Variants in LRMDA observed in about 807,000 individuals in gnomAD.
LRMDA encodes leucine-rich melanocyte differentiation-associated protein.
LRMDA carries 18 observed loss-of-function variants against 29.8 expected under a neutral mutation model. That is an observed-to-expected ratio of 0.60 (90% confidence interval 0.42 to 0.90). LRMDA has a LOEUF of 0.90. LRMDA is among the 40% of genes least tolerant of loss of function. LRMDA has a pLI of 0.00. For synonymous variants in LRMDA, 125 were observed against 109.4 expected (o/e 1.14, Z -0.89); for missense variants, 273 against 273.9 (o/e 1.00, Z 0.02).
At chr10:76,159,992 ACAC>A (rs1169495703) in intron 5 of LRMDA, among the ~76,000 whole-genome samples, 1 of 152,068 alleles carries the variant, frequency 6.6e-6, no homozygotes, top group Non-Finnish European at 1.5e-5. Context: ...GGAATGTACA[ACAC>A]CAAGCGAACT....
intron 5 of LRMDA, among the ~76,000 whole-genome samples, chr10:76,321,024 TC>T (rs1212412278): frequency 2.4e-4 from 36 of 152,282 alleles, no homozygotes; most frequent in Admixed American, 2.1e-3. Flanking sequence ...CAGGTTTTTT[TC>T]TCTTAAATAC....
intron 5 of LRMDA, among the ~76,000 whole-genome samples, chr10:76,290,181 A>G (rs1206315115): frequency 1.3e-5 from 2 of 152,224 alleles, no homozygotes; most frequent in Non-Finnish European, 2.9e-5. Flanking sequence ...CTTTATTGTT[A>G]CAATCTCTTT....
At chr10:75,507,554 A>G (rs1564788274) in intron 2 of LRMDA, among the ~76,000 whole-genome samples, 1 of 152,160 alleles carries the variant, frequency 6.6e-6, no homozygotes. Flanking sequence ...TTGGGTAAAT[A>G]AGCAATGGAG....
chr10:75,477,735 A>G (rs1477953314), intron 2 of LRMDA, among the ~76,000 whole-genome samples: 2 of 152,116 alleles, frequency 1.3e-5, no homozygotes. Context: ...TGTTCCCACC[A>G]CAAGCAGTCC....
chr10:76,304,643 G>A lies in LRMDA; in HGVS notation c.517-19758G>A, dbSNP rs116973571. ...TGTTATCCTCCACCCTTGGAGGCCA[G>A]GGAATGCTATTTGTTCAATATTTTA... On this transcript the variant is annotated intron_variant, in intron 5 of 6. Coordinates refer to ENST00000611255, the MANE Select transcript of LRMDA (RefSeq NM_001305581.2). Among the ~76,000 whole-genome samples the A allele has an allele frequency of 1.1e-4, 17 of 152,274 alleles. No homozygotes were observed. In the East Asian group the frequency reaches 1.4e-3, roughly 12 times the overall value.
intron 6 of LRMDA, among the ~76,000 whole-genome samples, chr10:76,328,799 G>A (rs1361053054): frequency 6.6e-6 from 1 of 152,166 alleles, no homozygotes; most frequent in African/African-American, 2.4e-5. Context: ...AATCAGGAGT[G>A]GAGAAAATTT....
At chr10:76,052,571 A>G (rs1848547898) in intron 4 of LRMDA, among the ~76,000 whole-genome samples, 1 of 152,066 alleles carries the variant, frequency 6.6e-6, no homozygotes, top group Non-Finnish European at 1.5e-5. Context: ...GAAAGAAAGA[A>G]AAAAAAGGTA....
At chr10:76,275,856 A>T (rs1840124766) in intron 5 of LRMDA, among the ~76,000 whole-genome samples, 1 of 152,026 alleles carries the variant, frequency 6.6e-6, no homozygotes, top group South Asian at 2.1e-4. Context: ...TATATGTTAG[A>T]TCTTTTCATA....
intron 6 of LRMDA, among the ~76,000 whole-genome samples, chr10:76,525,117 A>G (rs1308848668): frequency 6.6e-6 from 1 of 152,190 alleles, no homozygotes; most frequent in Non-Finnish European, 1.5e-5. Context: ...AGAAAAAGGG[A>G]CAGGGGTTGT....
At chr10:76,429,522 C>T (rs1037188627) in intron 6 of LRMDA, among the ~76,000 whole-genome samples, 1 of 151,916 alleles carries the variant, frequency 6.6e-6, no homozygotes, top group African/African-American at 2.4e-5. Context: ...CAGGGAGGCG[C>T]GTACAAGCGA....
chr10:76,137,100 C>T lies in LRMDA; in HGVS notation c.516+78317C>T, dbSNP rs1381787556. 2.6e-5 allele frequency among the ~76,000 whole-genome samples: 4 copies of T among 152,294 alleles called. No homozygotes were observed. In the South Asian group the frequency reaches 6.2e-4, roughly 24 times the overall value. ...TCCTTTTAGAAGGGCCACGCTCCAC[C>T]GCTCTGCTGTGTTGATACTACCGAC... On this transcript the variant is annotated intron_variant, in intron 5 of 6. Transcript: ENST00000611255.
At chr10:75,937,282 A>T (rs1846312258) in intron 2 of LRMDA, among the ~76,000 whole-genome samples, 1 of 152,208 alleles carries the variant, frequency 6.6e-6, no homozygotes, top group Non-Finnish European at 1.5e-5. Context: ...TAAATGAAAA[A>T]TGATTTTATT....
chr10:75,802,332 C>CGT (rs1491434324), intron 2 of LRMDA, among the ~76,000 whole-genome samples: 15 of 114,502 alleles, frequency 1.3e-4, no homozygotes, highest in South Asian at 3.0e-4. Flanking sequence ...CACACACACA[C>CGT]GCGCACACAC....
At chr10:75,849,334 G>A (rs2132309078) in intron 2 of LRMDA, among the ~76,000 whole-genome samples, 1 of 152,022 alleles carries the variant, frequency 6.6e-6, no homozygotes, top group African/African-American at 2.4e-5. Flanking sequence ...AAAGCCCTAA[G>A]TAGTTCTATG....
intron 5 of LRMDA, among the ~76,000 whole-genome samples, chr10:76,069,447 C>T (rs140959609): frequency 1.4e-4 from 21 of 152,322 alleles, no homozygotes; most frequent in South Asian, 4.1e-4. Context: ...ATAGCAATTA[C>T]GTGCAGCCTT....
intron 2 of LRMDA, among the ~76,000 whole-genome samples, chr10:75,783,401 A>G (rs1251123271): frequency 6.6e-6 from 1 of 152,070 alleles, no homozygotes. Flanking sequence ...ACAAGCTCCA[A>G]AAGGAATCTA....
intron 5 of LRMDA, among the ~76,000 whole-genome samples, chr10:76,159,424 A>G (rs577775122): frequency 4.2e-4 from 64 of 152,324 alleles, no homozygotes; most frequent in African/African-American, 1.5e-3. Flanking sequence ...ACTCTCATTC[A>G]TCTCTGGAGG....
chr10:76,306,503 G>A (rs1026952083), intron 5 of LRMDA, among the ~76,000 whole-genome samples: 9 of 152,160 alleles, frequency 5.9e-5, no homozygotes, highest in African/African-American at 9.7e-5. Context: ...CACATGACAC[G>A]GGGCATGGAT....
At chr10:75,811,554 G>A (rs1201678338) in intron 2 of LRMDA, among the ~76,000 whole-genome samples, 1 of 152,164 alleles carries the variant, frequency 6.6e-6, no homozygotes, top group Non-Finnish European at 1.5e-5. Context: ...TTAGGACTGA[G>A]GGCACTGAGA....
Sources: gnomAD v4.1 joint callset for allele counts (sites outside exome capture counted in the v4.1 genomes callset) on GRCh38, gnomAD v4.1.1 for gene constraint, MANE v1.5 for transcripts, NCBI Gene and HGNC (gene_info 2026-07-23, HGNC 2026-07-21) for gene names.